TSC22D1: variants seen among roughly 807,000 people sequenced by gnomAD.
TSC22D1 encodes TSC22 domain family protein 1.
A neutral mutation model predicts 74.2 loss-of-function variants in TSC22D1; 9 were observed. That is an observed-to-expected ratio of 0.12 (90% CI 0.07 to 0.21). TSC22D1 has a LOEUF of 0.21. TSC22D1 is among the 10% of genes least tolerant of loss of function. The pLI is 1.00. For synonymous variants in TSC22D1, 586 were observed against 492.5 expected, an observed-to-expected ratio of 1.19 and a Z score of -2.51; for missense variants, 1,427 against 1,304.7, an observed-to-expected ratio of 1.09 and a Z score of -1.44.
chr13:44,437,150 C>G (rs1874765695), intron 1 of TSC22D1: 47 of 985,634 alleles, frequency 4.8e-5, no homozygotes, highest in Non-Finnish European at 5.7e-5. Context: ...CTGAAAAATA[C>G]TATGGGGGCC....
intron 1 of TSC22D1, among the ~76,000 whole-genome samples, chr13:44,562,503 C>T (rs1883112383): frequency 6.6e-6 from 1 of 152,076 alleles, no homozygotes; most frequent in Non-Finnish European, 1.5e-5. Context: ...CATTTAGTAT[C>T]AACAGTAGCA....
intron 1 of TSC22D1, among the ~76,000 whole-genome samples, chr13:44,550,619 G>A (rs543916182): frequency 8.6e-5 from 13 of 150,988 alleles, no homozygotes; most frequent in Non-Finnish European, 1.9e-4. Context: ...GAAAAGAAGT[G>A]AAGCTAGTGT....
chr13:44,434,578 G>A lies in TSC22D1; in HGVS notation c.*48C>T, dbSNP rs538192755. 6 of 1,499,686 alleles carry A rather than the reference G, an allele frequency of 4.0e-6. No individual in the cohort carries two copies. The African/African-American group carries it at 5.6e-5, about 14-fold the overall frequency. 92.9% of individuals were successfully genotyped at this position (1,499,686 alleles called of 1,614,324 possible). ...AGATTCTCCCTAGCACATCTTCTCC[G>A]TCTGTTCAGTTCACACGCAGCAGCC... On this transcript the variant is annotated 3_prime_UTR_variant, in exon 3 of 3. Transcript: ENST00000458659.
At chr13:44,437,082 T>C in intron 1 of TSC22D1, 1 of 974,878 alleles carries the variant, frequency 1.0e-6, no homozygotes, top group Non-Finnish European at 1.2e-6. Flanking sequence ...GGTTCGGAGG[T>C]TTCCACGGCG....
chr13:44,537,198 T>C (rs1881200508), intron 1 of TSC22D1: 1 of 878,668 alleles, frequency 1.1e-6, no homozygotes, highest in Admixed American at 6.2e-5. Context: ...TTTATATTAA[T>C]ATTCATAAAC....
chr13:44,555,324 G>A (rs1375459221), intron 1 of TSC22D1, among the ~76,000 whole-genome samples: 1 of 151,786 alleles, frequency 6.6e-6, no homozygotes, highest in Admixed American at 6.6e-5. Flanking sequence ...TAAGAAATAC[G>A]TAGGTCGGGC....
chr13:44,576,011 T>C lies in TSC22D1; in HGVS notation c.64A>G (p.Met22Val), dbSNP rs776390949. 1.3e-6 allele frequency: 2 copies of C among 1,589,700 alleles called. No individual in the cohort carries two copies. The highest frequency in any genetic ancestry group is 4.6e-5 in the East Asian group (2 of 43,692). The change falls in exon 1 of 3, where the codon ATG (methionine) becomes GTG (valine). Residue 22 changes from methionine to valine, a missense_variant. By Grantham distance (21) the Met-to-Val change is conservative. Coordinates refer to ENST00000458659, the MANE Select transcript of TSC22D1 (RefSeq NM_183422.4). ...CGAGGGAACATTGCCGGGTGCGCCATCTTCCTAGCGCTAATGTCTGCAGCG... is the reference window on the plus strand; with the variant it reads ...CGAGGGAACATTGCCGGGTGCGCCACCTTCCTAGCGCTAATGTCTGCAGCG... Reference protein sequence around the residue: ...AAAADISARKMAHPAMFPRRG... With the variant: ...AAAADISARKVAHPAMFPRRG...
chr13:44,467,197 T>C (rs1307532119), intron 1 of TSC22D1, among the ~76,000 whole-genome samples: 2 of 151,848 alleles, frequency 1.3e-5, no homozygotes, highest in Admixed American at 6.6e-5. Flanking sequence ...ATAGCTGCTA[T>C]GAAGAATGAA....
intron 1 of TSC22D1, chr13:44,538,686 C>G (rs1881293607): frequency 1.0e-6 from 1 of 985,114 alleles, no homozygotes; most frequent in East Asian, 1.1e-4. Flanking sequence ...AAAAGTAAAC[C>G]AGAGTAATTC....
At chr13:44,531,654 A>G (rs1247560366) in intron 1 of TSC22D1, among the ~76,000 whole-genome samples, 2 of 152,202 alleles carry the variant, frequency 1.3e-5, no homozygotes, top group Non-Finnish European at 1.5e-5. Context: ...GTGTTTCTCA[A>G]ATTGGGGTAT....
chr13:44,519,055 C>G (rs1158756386), intron 1 of TSC22D1, among the ~76,000 whole-genome samples: 2 of 152,098 alleles, frequency 1.3e-5, no homozygotes, highest in African/African-American at 2.4e-5. Flanking sequence ...TAGAACCGGT[C>G]TAAATTTTTT....
intron 2 of TSC22D1, among the ~76,000 whole-genome samples, chr13:44,435,460 C>A (rs935343064): frequency 2.0e-5 from 3 of 152,162 alleles, no homozygotes; most frequent in African/African-American, 7.2e-5. Flanking sequence ...CAGAGAATCC[C>A]GTGAGAAGAG....
chr13:44,501,874 C>T (rs957642130), intron 1 of TSC22D1, among the ~76,000 whole-genome samples: 1 of 152,150 alleles, frequency 6.6e-6, no homozygotes, highest in Non-Finnish European at 1.5e-5. Context: ...GCCAAATGAT[C>T]TTTATACTTA....
chr13:44,436,731 CA>C, intron 1 of TSC22D1: 1 of 1,491,928 alleles, frequency 6.7e-7, no homozygotes, highest in Non-Finnish European at 8.9e-7. Context: ...CAGGGAGAAA[CA>C]GAAAACGGCA....
chr13:44,448,006 A>T (rs1595084071), intron 1 of TSC22D1, among the ~76,000 whole-genome samples: 1 of 152,008 alleles, frequency 6.6e-6, no homozygotes, highest in Non-Finnish European at 1.5e-5. Flanking sequence ...TTTCAAACCC[A>T]AATTTCTTCA....
intron 1 of TSC22D1, among the ~76,000 whole-genome samples, chr13:44,495,881 T>C (rs1878949692): frequency 6.6e-6 from 1 of 152,230 alleles, no homozygotes; most frequent in African/African-American, 2.4e-5. Flanking sequence ...CAGTTAAAAC[T>C]ATAAAATTCT....
chr13:44,448,294 T>C (rs1285119500), intron 1 of TSC22D1, among the ~76,000 whole-genome samples: 1 of 152,168 alleles, frequency 6.6e-6, no homozygotes, highest in Non-Finnish European at 1.5e-5. Flanking sequence ...AAGCTAATTT[T>C]CCTGTTAAAT....
At chr13:44,482,785 AAT>A (rs1878237219) in intron 1 of TSC22D1, among the ~76,000 whole-genome samples, 1 of 152,228 alleles carries the variant, frequency 6.6e-6, no homozygotes. Context: ...CTAAGATAAA[AAT>A]ATAGTTATTG....
At chr13:44,436,266 A>ATATCCAGGCATCTCCCTATTTT in intron 1 of TSC22D1, 171 bp from the exon 2 acceptor site, 1 of 877,218 alleles carries the variant, frequency 1.1e-6, no homozygotes, top group South Asian at 1.7e-5. Context: ...TTACTAACGA[A>ATATCCAGGCATCTCCCTATTTT]TATCCAGGCA....
Sources: allele counts gnomAD v4.1 joint callset (sites outside exome capture counted in the v4.1 genomes callset), GRCh38; gene constraint gnomAD v4.1.1; transcripts MANE v1.5; gene names NCBI Gene and HGNC (gene_info 2026-07-23, HGNC 2026-07-21).